Variants in DGLUCY observed in about 807,000 individuals in gnomAD.
DGLUCY encodes D-glutamate cyclase, also known as D-glutamate cyclase, mitochondrial.
A neutral mutation model predicts 58.5 loss-of-function variants in DGLUCY; 58 were observed. That is an observed-to-expected ratio of 0.99 (90% CI 0.80 to 1.23). DGLUCY has a LOEUF of 1.23. DGLUCY is among the 50% of genes most tolerant of loss of function. The pLI is 0.00. For missense variants in DGLUCY, 779 were observed against 784.7 expected, an observed-to-expected ratio of 0.99 and a Z score of 0.09; for synonymous variants, 325 against 314.1, an observed-to-expected ratio of 1.03 and a Z score of -0.37.
intron 1 of DGLUCY, among the ~76,000 whole-genome samples, chr14:91,139,327 C>G (rs1198910959): frequency 1.3e-5 from 2 of 152,154 alleles, no homozygotes; most frequent in Admixed American, 1.3e-4. Context: ...AGGATGGGAT[C>G]CTCCTTACTC....
intron 4 of DGLUCY, 51 bp from the exon 5 acceptor site, chr14:91,169,952 G>C: frequency 1.3e-6 from 2 of 1,555,906 alleles, no homozygotes; most frequent in Non-Finnish European, 8.8e-7. Context: ...GTATTATCAG[G>C]GGCCACAGTG....
chr14:91,180,514 G>A (rs1350005854), intron 7 of DGLUCY, among the ~76,000 whole-genome samples: 2 of 150,076 alleles, frequency 1.3e-5, no homozygotes, highest in Non-Finnish European at 3.0e-5. Context: ...AGAGGTTGCA[G>A]TGAGCCAAGA....
chr14:91,145,836 G>T (rs912867876), intron 1 of DGLUCY, among the ~76,000 whole-genome samples: 5 of 152,120 alleles, frequency 3.3e-5, no homozygotes, highest in African/African-American at 4.8e-5. Context: ...GCTTGTCCCT[G>T]TAAGGTCTAT....
At chr14:91,157,356 G>C (rs1376989541) in intron 1 of DGLUCY, among the ~76,000 whole-genome samples, 1 of 152,164 alleles carries the variant, frequency 6.6e-6, no homozygotes, top group African/African-American at 2.4e-5. Context: ...CATACATATA[G>C]AAAGGTAAAT....
intron 7 of DGLUCY, among the ~76,000 whole-genome samples, chr14:91,176,987 G>GTCTTTCTT (rs564525014): frequency 3.3e-5 from 5 of 149,902 alleles, no homozygotes; most frequent in African/African-American, 1.2e-4. Flanking sequence ...TTCTTGTCTT[G>GTCTTTCTT]TCTTTCTTTC....
chr14:91,215,630 G>T (rs1385406697), intron 13 of DGLUCY, 74 bp downstream of exon 13: 1 of 1,607,696 alleles, frequency 6.2e-7, no homozygotes, highest in Admixed American at 1.7e-5. Flanking sequence ...GAGGTCCCAA[G>T]CCGTAAGCCG....
chr14:91,091,830 T>A (rs2044316934), intron 1 of DGLUCY, among the ~76,000 whole-genome samples: 1 of 152,108 alleles, frequency 6.6e-6, no homozygotes, highest in Non-Finnish European at 1.5e-5. Context: ...GAACACAGAC[T>A]CTCCTGCCTC....
chr14:91,197,205 G>A (rs760243778), intron 10 of DGLUCY, among the ~76,000 whole-genome samples: 2 of 152,142 alleles, frequency 1.3e-5, no homozygotes, highest in Non-Finnish European at 2.9e-5. Flanking sequence ...GACCTCAAGT[G>A]ATCCACCCAC....
At chr14:91,085,221 CAAAAAAA>C (rs745438426) in intron 1 of DGLUCY, among the ~76,000 whole-genome samples, 28 of 89,278 alleles carry the variant, frequency 3.1e-4, no homozygotes, top group East Asian at 1.7e-3. Flanking sequence ...AACCCTGTCT[CAAAAAAA>C]AAAAAAAAAA....
chr14:91,074,339 T>G (rs1483833953), intron 1 of DGLUCY, among the ~76,000 whole-genome samples: 2 of 143,992 alleles, frequency 1.4e-5, no homozygotes, highest in Admixed American at 7.0e-5. Flanking sequence ...ATAAACCGAG[T>G]GTGATGGCAT....
intron 1 of DGLUCY, among the ~76,000 whole-genome samples, chr14:91,064,242 G>A (rs2043781145): frequency 6.6e-6 from 1 of 152,144 alleles, no homozygotes; most frequent in African/African-American, 2.4e-5. Context: ...GGATATATGA[G>A]TCTAGAGCTC....
At chr14:91,092,063 C>G (rs2044320979) in intron 1 of DGLUCY, among the ~76,000 whole-genome samples, 2 of 152,192 alleles carry the variant, frequency 1.3e-5, no homozygotes, top group Admixed American at 6.5e-5. Context: ...CTCTACCTAC[C>G]TGGAGCTCCC....
intron 10 of DGLUCY, among the ~76,000 whole-genome samples, chr14:91,198,372 TCTCA>T (rs2050346833): frequency 7.3e-6 from 1 of 137,744 alleles, no homozygotes; most frequent in Admixed American, 7.8e-5. Flanking sequence ...TGAGACGGGG[TCTCA>T]CTCTGTCACC....
At chr14:91,199,973 G>T in intron 11 of DGLUCY, 68 bp downstream of exon 11, 2 of 1,578,436 alleles carry the variant, frequency 1.3e-6, no homozygotes, top group South Asian at 1.1e-5. Context: ...TGTTGTTGTT[G>T]TTATGGAGTC....
At chr14:91,099,104 G>C (rs1366776217) in intron 1 of DGLUCY, among the ~76,000 whole-genome samples, 2 of 152,228 alleles carry the variant, frequency 1.3e-5, no homozygotes, top group Admixed American at 1.3e-4. Context: ...AAAGGAGGCT[G>C]CTTGATGCAG....
In DGLUCY at chr14:91,164,172, A is replaced by G. The variant is rs529334149; in HGVS notation, c.104-3053A>G. The stretch of plus-strand genomic sequence containing the variant: ...ACCATGTTGGCCAGGCTGGTCTCGA[A>G]CTCCTGACCTCAAGTGATCTGCCAA... On this transcript the variant is annotated intron_variant, in intron 3 of 13. Coordinates refer to ENST00000256324, the MANE Select transcript of DGLUCY (RefSeq NM_001102368.3). Among the ~76,000 whole-genome samples, 213 of 152,130 alleles carry G rather than the reference A, an allele frequency of 1.4e-3. 4 individuals carry two copies. The highest frequency in any genetic ancestry group is 2.2e-4 in the Non-Finnish European group (15 of 67,988).
rs981937593 is a variant in DGLUCY at position 91,225,011 on chromosome 14, G to A, written c.*178G>A. The A allele has an allele frequency of 2.5e-5, 14 of 553,882 alleles. No individual in the cohort carries two copies. In the South Asian group the frequency reaches 2.8e-4, roughly 11 times the overall value. 34.3% of individuals were successfully genotyped at this position (553,882 alleles called of 1,614,324 possible). On this transcript the variant is annotated 3_prime_UTR_variant, in exon 14 of 14. Coordinates refer to ENST00000256324, the MANE Select transcript of DGLUCY (RefSeq NM_001102368.3). Reference sequence around the variant, plus strand: ...TCTGGGAGGGGTTAGTGCAGGTGCTGTGGACAAAGGACAACATTTCTCTGG... The same window carrying A: ...TCTGGGAGGGGTTAGTGCAGGTGCTATGGACAAAGGACAACATTTCTCTGG...
intron 1 of DGLUCY, among the ~76,000 whole-genome samples, chr14:91,124,129 T>C (rs764279519): frequency 3.7e-4 from 56 of 151,890 alleles, no homozygotes; most frequent in Non-Finnish European, 7.9e-4. Flanking sequence ...GGTTTCACCA[T>C]GTTGGCTGGG....
chr14:91,152,582 C>T (rs574881078), intron 1 of DGLUCY, among the ~76,000 whole-genome samples: 6 of 152,252 alleles, frequency 3.9e-5, no homozygotes, highest in Non-Finnish European at 7.4e-5. Flanking sequence ...ATGCCTTCTT[C>T]CTTGCAGCAA....
Sources: gnomAD v4.1 joint callset for allele counts (sites outside exome capture counted in the v4.1 genomes callset) on GRCh38, gnomAD v4.1.1 for gene constraint, MANE v1.5 for transcripts, NCBI Gene and HGNC (gene_info 2026-07-23, HGNC 2026-07-21) for gene names.